The following CTNNA2 variants were observed in gnomAD, a reference collection of about 807,000 sequenced individuals.
The protein encoded by CTNNA2 is catenin alpha 2, also known as catenin alpha-2.
In CTNNA2, 42 loss-of-function variants were observed where a neutral mutation model predicts 101.0. That is an observed-to-expected ratio of 0.42 (90% confidence interval 0.32 to 0.54). The LOEUF is 0.54. Among genes scored for constraint, CTNNA2 ranks in the 20% least tolerant of loss-of-function variants. The pLI is 0.14. For synonymous variants in CTNNA2, 450 were observed against 456.4 expected (o/e 0.99, Z 0.18); for missense variants, 871 against 1,223.1 (o/e 0.71, Z 4.29).
At chr2:79,913,316 C>G (rs370216403) in intron 7 of CTNNA2, among the ~76,000 whole-genome samples, 2 of 152,170 alleles carry the variant, frequency 1.3e-5, no homozygotes, top group African/African-American at 4.8e-5. Context: ...ATGACAAGGT[C>G]AAGGGCCTTG....
chr2:79,718,974 G>A (rs944419171), intron 2 of CTNNA2, among the ~76,000 whole-genome samples: 3 of 151,948 alleles, frequency 2.0e-5, no homozygotes, highest in Non-Finnish European at 2.9e-5. Context: ...TGTTACATGG[G>A]TATATTGCTT....
At chr2:80,251,277 G>C (rs1671744958) in intron 7 of CTNNA2, among the ~76,000 whole-genome samples, 3 of 152,040 alleles carry the variant, frequency 2.0e-5, no homozygotes, top group African/African-American at 2.4e-5. Flanking sequence ...CTCCTTCTTT[G>C]AGATGCCATT....
intron 3 of CTNNA2, among the ~76,000 whole-genome samples, chr2:79,750,871 CAAA>C (rs561864179): frequency 8.8e-6 from 1 of 113,446 alleles, no homozygotes; most frequent in Non-Finnish European, 2.0e-5. Flanking sequence ...GACTCTGTCT[CAAA>C]AAAAAAAAAA....
chr2:79,411,996 A>G (rs984924667), intron 4 of CTNNA2, among the ~76,000 whole-genome samples: 1 of 152,116 alleles, frequency 6.6e-6, no homozygotes, highest in African/African-American at 2.4e-5. Context: ...GTATTCAGGA[A>G]ACCCATCTCA....
chr2:79,939,130 A>T (rs956470047), intron 7 of CTNNA2, among the ~76,000 whole-genome samples: 1 of 152,188 alleles, frequency 6.6e-6, no homozygotes, highest in African/African-American at 2.4e-5. Flanking sequence ...TACCAGCCTG[A>T]TAGGACTCTC....
At chr2:79,738,093 T>C (rs1241222892) in intron 2 of CTNNA2, among the ~76,000 whole-genome samples, 2 of 152,190 alleles carry the variant, frequency 1.3e-5, no homozygotes, top group African/African-American at 4.8e-5. Context: ...AGGTCAACTT[T>C]TAGGACTTTA....
At chr2:79,907,828 A>G (rs1006112907) in intron 6 of CTNNA2, among the ~76,000 whole-genome samples, 4 of 152,220 alleles carry the variant, frequency 2.6e-5, no homozygotes, top group Non-Finnish European at 5.9e-5. Flanking sequence ...TTTCTAAAAA[A>G]TCCAAGATTC....
In CTNNA2 at chr2:79,664,982, A is replaced by AT. The variant is rs550928366; in HGVS notation, c.102+13326dup. Among the ~76,000 whole-genome samples, 6 of 152,186 alleles carry AT rather than the reference A, an allele frequency of 3.9e-5. 1 individual carries two copies. The East Asian group carries it at 9.7e-4, about 25-fold the overall frequency. Reference sequence around the variant, plus strand: ...CGTCTCGGCCTCCCAAAGTGCTAGGATTACAGGCGTGAGCCACCGTTCCCG... The same window carrying AT: ...CGTCTCGGCCTCCCAAAGTGCTAGGATTTACAGGCGTGAGCCACCGTTCCCG... On this transcript the variant is annotated intron_variant, in intron 2 of 18. Coordinates refer to ENST00000402739, the MANE Select transcript of CTNNA2 (RefSeq NM_001282597.3).
chr2:80,505,485 T>A (rs1054733915), intron 9 of CTNNA2, among the ~76,000 whole-genome samples: 2 of 152,214 alleles, frequency 1.3e-5, no homozygotes, highest in South Asian at 2.1e-4. Flanking sequence ...GCCATTAGCG[T>A]AAATTGAGAT....
At chr2:79,444,252 C>A (rs1678807103) in intron 4 of CTNNA2, among the ~76,000 whole-genome samples, 1 of 152,010 alleles carries the variant, frequency 6.6e-6, no homozygotes, top group Non-Finnish European at 1.5e-5. Flanking sequence ...GGTAAGTGGT[C>A]TCAGCACAAT....
chr2:80,551,001 T>A (rs560454992), intron 11 of CTNNA2, among the ~76,000 whole-genome samples: 260 of 152,294 alleles, frequency 1.7e-3, no homozygotes, highest in African/African-American at 5.8e-3. Flanking sequence ...AAGTGAATTT[T>A]CTAAATAATA....
chr2:79,958,610 C>A (rs1020632062), intron 7 of CTNNA2, among the ~76,000 whole-genome samples: 1 of 152,124 alleles, frequency 6.6e-6, no homozygotes, highest in African/African-American at 2.4e-5. Flanking sequence ...AAAGGAATGC[C>A]GGTCTCCTAA....
At chr2:80,511,017 A>G (rs1472054708) in intron 9 of CTNNA2, among the ~76,000 whole-genome samples, 1 of 152,210 alleles carries the variant, frequency 6.6e-6, no homozygotes, top group Admixed American at 6.5e-5. Context: ...CTCTCAGGGA[A>G]GGGAAGGCTT....
chr2:79,970,958 T>G (rs1307787386), intron 7 of CTNNA2, among the ~76,000 whole-genome samples: 1 of 152,158 alleles, frequency 6.6e-6, no homozygotes, highest in Admixed American at 6.5e-5. Context: ...TTGGCCTTAT[T>G]CCTGGGTCCT....
At chr2:80,263,042 C>A (rs996378150) in intron 7 of CTNNA2, among the ~76,000 whole-genome samples, 4 of 152,026 alleles carry the variant, frequency 2.6e-5, no homozygotes, top group African/African-American at 9.7e-5. Flanking sequence ...TTTCTTTAGA[C>A]TAATTTTAGA....
chr2:80,570,223 A>G (rs757531478), intron 12 of CTNNA2, among the ~76,000 whole-genome samples: 2 of 151,976 alleles, frequency 1.3e-5, no homozygotes, highest in Admixed American at 6.5e-5. Flanking sequence ...TATGTTTTGT[A>G]TTTTTAGTAG....
chr2:79,951,028 C>T lies in CTNNA2; in HGVS notation c.1056+41231C>T, dbSNP rs540240829. On this transcript the variant is annotated intron_variant, in intron 7 of 18. Transcript: ENST00000402739. ...ATATAATTTATTCAGCCCCTCTGTC[C>T]TTAAAATCATTATCCTCTGTTGGCT... Among the ~76,000 whole-genome samples, 190 of 152,246 alleles carry T rather than the reference C, an allele frequency of 1.2e-3. 1 individual carries two copies. Among genetic ancestry groups the T allele is most frequent in the African/African-American group, 4.3e-3 (179 of 41,548 alleles).
rs374052806 is a variant in CTNNA2, at chr2:80,000,470, C to G, written c.1056+90673C>G. On this transcript the variant is annotated intron_variant, in intron 7 of 18. Transcript: ENST00000402739. The stretch of plus-strand genomic sequence containing the variant: ...AGAAATCTACAGTTAGTAGAGCTCA[C>G]CCTTTTAATATTTAGGGACAGCATT... Among the ~76,000 whole-genome samples the G allele has an allele frequency of 2.0e-3, 312 of 152,204 alleles. 1 individual carries two copies. The highest frequency in any genetic ancestry group is 7.1e-3 in the African/African-American group (294 of 41,518).
At chr2:80,125,169 T>C (rs1246777461) in intron 7 of CTNNA2, among the ~76,000 whole-genome samples, 1 of 152,186 alleles carries the variant, frequency 6.6e-6, no homozygotes, top group Non-Finnish European at 1.5e-5. Context: ...TTATATCTGG[T>C]GTCATTTGGC....
Sources: gnomAD v4.1 joint callset for allele counts (sites outside exome capture counted in the v4.1 genomes callset) on GRCh38, gnomAD v4.1.1 for gene constraint, MANE v1.5 for transcripts, NCBI Gene and HGNC (gene_info 2026-07-23, HGNC 2026-07-21) for gene names.